The following TMCO1 variants were observed in gnomAD, a reference collection of about 807,000 sequenced individuals.
The protein encoded by TMCO1 is calcium load-activated calcium channel.
TMCO1 carries 29 observed loss-of-function variants against 29.3 expected under a neutral mutation model. The observed-to-expected ratio is 0.99, with a 90% confidence interval of 0.74 to 1.35. The LOEUF (loss-of-function observed/expected upper bound fraction) is 1.35, where lower values mean the gene tolerates loss of function less well. TMCO1 is among the 40% of genes most tolerant of loss of function. The pLI is 0.00. For synonymous variants in TMCO1, 80 were observed against 77.1 expected (o/e 1.04, Z -0.20); for missense variants, 173 against 225.5 (o/e 0.77, Z 1.49).
intron 2 of TMCO1, among the ~76,000 whole-genome samples, chr1:165,763,253 T>C (rs1652458907): frequency 6.6e-6 from 1 of 152,218 alleles, no homozygotes; most frequent in Admixed American, 6.5e-5. Context: ...ATTAAGACAT[T>C]TGTTCAAAGA....
In TMCO1 at chr1:165,743,309, A is replaced by G; in HGVS notation, c.326T>C (p.Phe109Ser). The change falls in exon 6 of 7, where the codon TTT (phenylalanine) becomes TCT (serine). Residue 109 changes from phenylalanine (F) to serine (S), a missense_variant and splice_region_variant. Phe to Ser is a radical substitution (Grantham distance 155, BLOSUM62 -2). Coordinates refer to ENST00000367881, the MANE Select transcript of TMCO1 (RefSeq NM_019026.6). ...AAGCTTTGCCACCACTCTACCATCA[A>G]ATCTAAAAGAAAAAAAAAAAAAAAG... ...TALMGMFNSI[F>S]DGRVVAKLPF... 6.2e-7 allele frequency: 1 copy of G among 1,610,718 alleles called. No individual in the cohort carries two copies. Among genetic ancestry groups the G allele is most frequent in the Non-Finnish European group, 8.5e-7 (1 of 1,179,290 alleles).
chr1:165,737,035 G>C (rs1265507525), intron 6 of TMCO1, among the ~76,000 whole-genome samples: 1 of 152,086 alleles, frequency 6.6e-6, no homozygotes. Flanking sequence ...TTGAACTCTT[G>C]GGCTCTTGGT....
In TMCO1 at chr1:165,727,822, A is replaced by T. The variant is rs1650966084; in HGVS notation, c.*201T>A. 1 of 512,032 alleles carries T rather than the reference A, an allele frequency of 2.0e-6. No individual in the cohort carries two copies. The highest frequency in any genetic ancestry group is 2.3e-5 in the Admixed American group (1 of 44,014). The allele number at this position is 512,032 out of a possible 1,614,324, so 31.7% of individuals were successfully genotyped here. ...TAACTAATCAATCCACTTATTTGAT[A>T]AAAATCATCTAGGACCAAAAGCACT... On this transcript the variant is annotated 3_prime_UTR_variant, in exon 7 of 7. Transcript: ENST00000367881.
downstream of TMCO1, chr1:165,725,597 A>G (rs1171294968): frequency 4.0e-5 from 18 of 454,002 alleles, no homozygotes; most frequent in Admixed American, 9.4e-5. Flanking sequence ...TAGGGAAAAT[A>G]ACCAAATTAT....
At chr1:165,726,726 T>C (rs2101781242), downstream of TMCO1, 1 of 454,156 alleles carries the variant, frequency 2.2e-6, no homozygotes. Context: ...TTGTATGCCA[T>C]ACCTTCACCT....
intron 3 of TMCO1, 94 bp from the exon 4 acceptor site, chr1:165,754,368 T>C: frequency 1.1e-6 from 1 of 929,106 alleles, no homozygotes; most frequent in South Asian, 1.3e-5. Flanking sequence ...ACAAAAGCAC[T>C]CTATCTCAAT....
intron 2 of TMCO1, among the ~76,000 whole-genome samples, chr1:165,766,382 A>C (rs777087378): frequency 6.6e-6 from 1 of 152,230 alleles, no homozygotes; most frequent in African/African-American, 2.4e-5. Flanking sequence ...TGGCCAATAC[A>C]GCCAAAAGAT....
At chr1:165,726,291 C>T (rs1650887285), downstream of TMCO1, 1 of 692,818 alleles carries the variant, frequency 1.4e-6, no homozygotes, top group Admixed American at 2.0e-5. Flanking sequence ...CTTCTGTTCC[C>T]TTTCATCTGC....
At position 165,759,512 on chromosome 1, in the gene TMCO1, T is replaced by C. The variant is rs1386726901; in HGVS notation, c.208+13A>G. 20 of 1,601,318 alleles carry C rather than the reference T, an allele frequency of 1.2e-5. No homozygotes were observed. The highest frequency in any genetic ancestry group is 1.7e-5 in the Non-Finnish European group (20 of 1,170,440). On this transcript the variant is annotated intron_variant, in intron 3 of 6. Coordinates refer to ENST00000367881, the MANE Select transcript of TMCO1 (RefSeq NM_019026.6). ...AAAACCCAAATTTCATTTTGACTAA[T>C]ATCTCATCTTACCTATTTTCTTTTT...
chr1:165,750,011 A>G (rs1651939200), intron 5 of TMCO1, among the ~76,000 whole-genome samples: 1 of 152,180 alleles, frequency 6.6e-6, no homozygotes, highest in African/African-American at 2.4e-5. Context: ...TCAATTGGCA[A>G]ATTTTAAGCA....
chr1:165,734,274 T>G (rs113549113), intron 6 of TMCO1, among the ~76,000 whole-genome samples: 2,018 of 152,280 alleles, frequency 0.013, 53 homozygotes, highest in African/African-American at 0.047. Flanking sequence ...AAAAAAACCT[T>G]ATCGTACAAG....
Position 165,726,845 on chromosome 1 carries a change from A to C in TMCO1, c.*1178T>G, listed in dbSNP as rs2101781362. The C allele has an allele frequency of 2.2e-6, 1 of 453,624 alleles. No homozygotes were observed. The highest frequency in any genetic ancestry group is 6.9e-5 in the East Asian group (1 of 14,390). 28.1% of individuals were successfully genotyped at this position (453,624 alleles called of 1,614,324 possible). ...TTTTGCCTCCAATATTGTACATAAA[A>C]TTCTAAGTTGATACTTATTTTCCTC... On this transcript the variant is annotated 3_prime_UTR_variant, in exon 7 of 7. Transcript: ENST00000367881.
chr1:165,761,094 T>C lies in TMCO1; in HGVS notation c.149-1510A>G, dbSNP rs1421920522. ...TGGTATCACTGCTTTATCCAAGAAT[T>C]GTAAAATTCAACTTGACTCCAATAT... On this transcript the variant is annotated intron_variant, in intron 2 of 6. Coordinates refer to ENST00000367881, the MANE Select transcript of TMCO1 (RefSeq NM_019026.6). Among the ~76,000 whole-genome samples the C allele has an allele frequency of 2.6e-5, 4 of 152,266 alleles. No individual in the cohort carries two copies. The East Asian group carries it at 7.7e-4, about 29-fold the overall frequency.
In TMCO1 at chr1:165,742,422, C is replaced by A. The variant is rs150352879; in HGVS notation, c.468+745G>T. On this transcript the variant is annotated intron_variant, in intron 6 of 6. Transcript: ENST00000367881. ...GGACTACAGGCACATGCCACCATAC[C>A]CAGCTAATTTTTAAATTTTTTGTAG... 2.0e-5 allele frequency among the ~76,000 whole-genome samples: 3 copies of A among 152,198 alleles called. No homozygotes were observed. In the East Asian group the frequency reaches 5.8e-4, roughly 29 times the overall value.
At chr1:165,732,687 G>A (rs762665406) in intron 6 of TMCO1, among the ~76,000 whole-genome samples, 1 of 151,978 alleles carries the variant, frequency 6.6e-6, no homozygotes, top group Non-Finnish European at 1.5e-5. Flanking sequence ...GTTGATAGAG[G>A]GGTGTGCTAT....
chr1:165,752,316 G>T (rs112601776), intron 4 of TMCO1, 147 bp from the exon 5 acceptor site: 3 of 646,068 alleles, frequency 4.6e-6, no homozygotes, highest in Non-Finnish European at 5.4e-6. Flanking sequence ...GTACAGTGGC[G>T]CAATCTCGGC....
At position 165,727,366 on chromosome 1, in the gene TMCO1, C is replaced by A. The variant is rs1246573836; in HGVS notation, c.*657G>T. 4.4e-6 allele frequency: 2 copies of A among 453,946 alleles called. No individual in the cohort carries two copies. Among genetic ancestry groups the A allele is most frequent in the Middle Eastern group, 1.4e-3 (2 of 1,444 alleles). 28.1% of individuals were successfully genotyped at this position (453,946 alleles called of 1,614,324 possible). The stretch of plus-strand genomic sequence containing the variant: ...TAAACTCCAACGAGTTATTACGTTC[C>A]TTTCCACTCTTGCTTTCCAATTCCT... On this transcript the variant is annotated 3_prime_UTR_variant, in exon 7 of 7. Coordinates refer to ENST00000367881, the MANE Select transcript of TMCO1 (RefSeq NM_019026.6).
chr1:165,741,647 G>A (rs540506185), intron 6 of TMCO1, among the ~76,000 whole-genome samples: 29 of 152,350 alleles, frequency 1.9e-4, no homozygotes, highest in Middle Eastern at 3.4e-3. Context: ...GGTGAGCCAT[G>A]AACTATAATT....
Position 165,768,820 on chromosome 1 carries a change from G to A in TMCO1, c.-69C>T, listed in dbSNP as rs771167297. On this transcript the variant is annotated 5_prime_UTR_variant, in exon 1 of 7. Coordinates refer to ENST00000367881, the MANE Select transcript of TMCO1 (RefSeq NM_019026.6). ...GCTCTACAGCCAGGAAAAGTGAAGC[G>A]AAAACGGCTTCCGTAGACTCCGCCA... is the stretch of plus-strand genomic sequence containing the variant. 6.8e-6 allele frequency: 11 copies of A among 1,607,818 alleles called. No homozygotes were observed. The Admixed American group carries it at 1.7e-4, about 25-fold the overall frequency.
Sources: gnomAD v4.1 joint callset for allele counts (sites outside exome capture counted in the v4.1 genomes callset) on GRCh38, gnomAD v4.1.1 for gene constraint, MANE v1.5 for transcripts, NCBI Gene and HGNC (gene_info 2026-07-23, HGNC 2026-07-21) for gene names.